Variants in ELAC2 observed in about 807,000 individuals in gnomAD.
ELAC2 encodes the protein elaC ribonuclease Z 2, also known as zinc phosphodiesterase ELAC protein 2.
Under a neutral mutation model 105.2 loss-of-function variants are expected in ELAC2, and 92 were observed. The ratio of observed to expected loss-of-function variants is 0.87; its 90% confidence interval spans 0.74 to 1.04. ELAC2 has a LOEUF of 1.04. Among genes scored for constraint, ELAC2 ranks in the 50% least tolerant of loss-of-function variants. The probability of loss-of-function intolerance (pLI) is 0.00; values close to 1 mark genes in which losing one functional copy is unlikely to be tolerated. For missense variants in ELAC2, 1,099 were observed against 1,071.7 expected (o/e 1.03, Z -0.36); for synonymous variants, 468 against 409.1 (o/e 1.14, Z -1.74).
chr17:13,006,355 G>A (rs2041107572), intron 8 of ELAC2: 2 of 220,794 alleles, frequency 9.1e-6, no homozygotes, highest in African/African-American at 2.3e-5. Context: ...GGCAACAAAA[G>A]CGAAAGTCTG....
At position 12,993,658 on chromosome 17, in the gene ELAC2, G is replaced by A. The variant is rs201647277; in HGVS notation, c.2253+29C>T. Reference sequence around the variant, plus strand: ...AGTCCTGTCTCCCTGCCCCGTCCCCGCCCTGTGCTGTCCGTGTGACATACA... The same window carrying A: ...AGTCCTGTCTCCCTGCCCCGTCCCCACCCTGTGCTGTCCGTGTGACATACA... On this transcript the variant is annotated intron_variant, in intron 23 of 23. Transcript: ENST00000338034. The A allele has an allele frequency of 1.7e-3, 2,774 of 1,613,744 alleles. 66 individuals are homozygous for A. In the South Asian group the frequency reaches 0.029, roughly 17 times the overall value.
At chr17:13,000,480 A>AG (rs2040728129) in intron 14 of ELAC2, 1 of 614,598 alleles carries the variant, frequency 1.6e-6, no homozygotes, top group Non-Finnish European at 2.9e-6. Context: ...GGGCCAGTCA[A>AG]CGGGGAACTA....
chr17:13,017,209 G>GAAA, intron 1 of ELAC2, 88 bp from the exon 2 acceptor site: 3 of 949,896 alleles, frequency 3.2e-6, no homozygotes, highest in Admixed American at 2.4e-5. Context: ...GTAGACTCTG[G>GAAA]AAAAAAAAAA....
In ELAC2 at chr17:13,017,708, G is replaced by C. The variant is rs764484752; in HGVS notation, c.240C>G (p.Phe80Leu). The C allele has an allele frequency of 1.2e-6, 2 of 1,612,980 alleles. No homozygotes were observed. The highest frequency in any genetic ancestry group is 1.7e-6 in the Non-Finnish European group (2 of 1,179,796). ...SGAALYVFSE[F>L]NRYLFNCGEG... is the part of the protein sequence containing the mutation. ...GGCGTGGCTCGTTGACTGACCGGTT[G>C]AACTCGGAGAAGACGTAGAGCGCGG... Residue 80 changes from phenylalanine (F) to leucine (L), a missense_variant, in exon 1 of 24, where the codon TTC becomes TTG. Transcript: ENST00000338034.
intron 10 of ELAC2, among the ~76,000 whole-genome samples, chr17:13,005,368 T>C (rs1006653406): frequency 2.6e-5 from 4 of 152,208 alleles, no homozygotes; most frequent in African/African-American, 9.6e-5. Context: ...CTGTGGCCAC[T>C]GGTCCTAATG....
intron 8 of ELAC2, among the ~76,000 whole-genome samples, chr17:13,007,788 GA>G (rs2041193173): frequency 6.6e-6 from 1 of 152,070 alleles, no homozygotes; most frequent in Non-Finnish European, 1.5e-5. Flanking sequence ...TGATGCATGA[GA>G]ATCACTTGAG....
Position 12,994,488 on chromosome 17 carries a change from A to G in ELAC2, c.2045T>C (p.Leu682Pro). The change falls in exon 22 of 24, where the codon CTC becomes CCC. Residue 682 changes from leucine (L) to proline (P), a missense_variant. Leu to Pro is a moderately conservative substitution (Grantham distance 98). Coordinates refer to ENST00000338034, the MANE Select transcript of ELAC2 (RefSeq NM_018127.7). ...ALVRMGKDATLLIHEATLEDG... is the reference protein window; with the variant it reads ...ALVRMGKDATPLIHEATLEDG... The stretch of plus-strand genomic sequence containing the variant: ...TTCCAGGGTGGCTTCATGTATCAGG[A>G]GGGTGGCATCTTTCCCTGGAGAAGC... The G allele has an allele frequency of 6.2e-7, 1 of 1,614,102 alleles. No individual in the cohort carries two copies. Among genetic ancestry groups the G allele is most frequent in the Non-Finnish European group, 8.5e-7 (1 of 1,180,012 alleles).
intron 4 of ELAC2, among the ~76,000 whole-genome samples, chr17:13,014,923 G>T (rs1001313161): frequency 1.1e-4 from 16 of 152,212 alleles, no homozygotes; most frequent in African/African-American, 3.9e-4. Flanking sequence ...GGAACCCGCG[G>T]AAGGGCGAAA....
chr17:13,014,428 C>G lies in ELAC2; in HGVS notation c.490+11G>C, dbSNP rs1450482493. The G allele has an allele frequency of 7.5e-6, 12 of 1,608,466 alleles. No homozygotes were observed. The highest frequency in any genetic ancestry group is 9.4e-6 in the Non-Finnish European group (11 of 1,175,308). ...GAAATAGCAGAGGATGAGTCACAGA[C>G]AAAGACGTACCCAGTTCTATTCCTT... On this transcript the variant is annotated intron_variant, in intron 5 of 23. Transcript: ENST00000338034.
chr17:12,998,368 A>G (rs1365817448), intron 16 of ELAC2, 44 bp downstream of exon 16: 1 of 1,579,976 alleles, frequency 6.3e-7, no homozygotes, highest in Admixed American at 1.7e-5. Flanking sequence ...TTAAAAAGTA[A>G]ACGTGCCCTT....
chr17:13,003,717 A>G, intron 11 of ELAC2, 143 bp from the exon 12 acceptor site: 1 of 722,904 alleles, frequency 1.4e-6, no homozygotes, highest in Non-Finnish European at 2.4e-6. Flanking sequence ...CCATGCTCTC[A>G]CAGCAGGCTG....
At chr17:13,004,264 C>T (rs754995725) in intron 11 of ELAC2, among the ~76,000 whole-genome samples, 2 of 152,104 alleles carry the variant, frequency 1.3e-5, no homozygotes, top group African/African-American at 4.8e-5. Flanking sequence ...AATTCACCCA[C>T]AGAGAATAAA....
At chr17:13,015,603 C>T (rs1007071357) in intron 4 of ELAC2, among the ~76,000 whole-genome samples, 165 bp downstream of exon 4, 3 of 152,160 alleles carry the variant, frequency 2.0e-5, no homozygotes, top group Non-Finnish European at 4.4e-5. Flanking sequence ...TGATCAAGGT[C>T]ACATAGTTAA....
intron 12 of ELAC2, among the ~76,000 whole-genome samples, chr17:13,003,024 A>G (rs2040907916): frequency 6.6e-6 from 1 of 152,208 alleles, no homozygotes; most frequent in Admixed American, 6.5e-5. Context: ...CCCCGAGGAA[A>G]AAGATGCCTT....
Position 12,992,823 on chromosome 17 carries a change from G to A in ELAC2, c.2476C>T (p.Gln826Ter). The A allele has an allele frequency of 6.2e-7, 1 of 1,611,416 alleles. No individual in the cohort carries two copies. Residue 826 changes from glutamine (Q) to a stop codon, truncating the protein, a stop_gained, in exon 24 of 24, where the codon CAG becomes TAG. Coordinates refer to ENST00000338034, the MANE Select transcript of ELAC2 (RefSeq NM_018127.7). LOFTEE classifies it high-confidence loss of function. The stretch of plus-strand genomic sequence containing the variant: ...GTTCAGGGTCTCCCAGATCTTCACT[G>A]GGCTCTGACCTTCTTGGCCTGTGGC... ...EEPQAKKVRA[Q>*] is the part of the protein sequence containing the mutation.
rs2040267979 is a variant in ELAC2 at position 12,993,038 on chromosome 17, A to T, written c.2261T>A (p.Phe754Tyr). 1 of 1,603,610 alleles carries T rather than the reference A, an allele frequency of 6.2e-7. No homozygotes were observed. The highest frequency in any genetic ancestry group is 1.7e-5 in the Admixed American group (1 of 60,010). ...GVAFDHMKVC[F>Y]GDFPTMPKLI... ...CTTGGGCATTGTTGGAAAGTCTCCA[A>T]AGCAGACCTAGAAGACACAATAGAA... Residue 754 changes from phenylalanine to tyrosine, a missense_variant, in exon 24 of 24, where the codon TTT becomes TAT. By Grantham distance (22) the Phe-to-Tyr change is conservative. Transcript: ENST00000338034.
At position 13,003,507 on chromosome 17, in the gene ELAC2, C is replaced by T; in HGVS notation, c.1051G>A (p.Asp351Asn). 6.2e-7 allele frequency: 1 copy of T among 1,614,192 alleles called. No individual in the cohort carries two copies. Among genetic ancestry groups the T allele is most frequent in the Non-Finnish European group, 8.5e-7 (1 of 1,180,032 alleles). Residue 351 changes from aspartate (D) to asparagine (N), a missense_variant, in exon 12 of 24, where the codon GAC becomes AAC. Coordinates refer to ENST00000338034, the MANE Select transcript of ELAC2 (RefSeq NM_018127.7). ...VHMAPASVLV[D>N]SRYQQWMERF... Reference sequence around the variant, plus strand: ...TCCATCCACTGCTGGTACCTGCTGTCCACAAGCACAGATGCTGGGGCCATG... The same window carrying T: ...TCCATCCACTGCTGGTACCTGCTGTTCACAAGCACAGATGCTGGGGCCATG...
In ELAC2 at chr17:13,014,373, A is replaced by G. The variant is rs1192904836; in HGVS notation, c.490+66T>C. On this transcript the variant is annotated intron_variant, in intron 5 of 23. Transcript: ENST00000338034. ...GATGTTGATGTTTTTAATGGATTCT[A>G]ATTTGAGAGGTCAGGGCATATATAA... is the stretch of plus-strand genomic sequence containing the variant. 10 of 1,217,910 alleles carry G rather than the reference A, an allele frequency of 8.2e-6. No individual in the cohort carries two copies. The East Asian group carries it at 2.3e-4, about 28-fold the overall frequency. The allele number at this position is 1,217,910 out of a possible 1,614,324, so 75.4% of individuals were successfully genotyped here. A position where few individuals can be genotyped will look rare whatever the true frequency, so the allele number is the denominator to read the frequency against.
Position 13,017,078 on chromosome 17 carries a change from C to T in ELAC2, c.289G>A (p.Glu97Lys). The change falls in exon 2 of 24, where the codon GAG becomes AAG. Residue 97 changes from glutamate to lysine, a missense_variant. By Grantham distance (56) the Glu-to-Lys change is moderately conservative. Coordinates refer to ENST00000338034, the MANE Select transcript of ELAC2 (RefSeq NM_018127.7). ...AGCAAGAGACTGACTCACTTGTGCT[C>T]CTGCATGAGTCTCTGAACGCCTTCT... ...CGEGVQRLMQ[E>K]HKLKVARLDN... 2 of 1,614,092 alleles carry T rather than the reference C, an allele frequency of 1.2e-6. No homozygotes were observed. The highest frequency in any genetic ancestry group is 1.7e-6 in the Non-Finnish European group (2 of 1,179,996).
Sources: gnomAD v4.1 joint callset for allele counts (sites outside exome capture counted in the v4.1 genomes callset) on GRCh38, gnomAD v4.1.1 for gene constraint, MANE v1.5 for transcripts, NCBI Gene and HGNC (gene_info 2026-07-23, HGNC 2026-07-21) for gene names.